The following ALKBH8 variants were observed in gnomAD, a reference collection of about 807,000 sequenced individuals.
ALKBH8 encodes alkB homolog 8, tRNA methyltransferase.
ALKBH8 carries 36 observed loss-of-function variants against 59.8 expected under a neutral mutation model. The observed-to-expected ratio is 0.60, with a 90% CI of 0.46 to 0.79. ALKBH8 has a LOEUF of 0.79. Ranked by LOEUF, ALKBH8 falls within the 30% of genes least tolerant of loss-of-function variation. The pLI is 0.00. For synonymous variants in ALKBH8, 276 were observed against 273.6 expected (o/e 1.01, Z -0.09); for missense variants, 768 against 801.0 (o/e 0.96, Z 0.50).
At chr11:107,553,799 G>C in intron 4 of ALKBH8, 48 bp downstream of exon 4, 1 of 1,571,388 alleles carries the variant, frequency 6.4e-7, no homozygotes, top group Non-Finnish European at 8.7e-7. Context: ...AAAGGAAGAA[G>C]AGTTTTGCAG....
At chr11:107,508,375 G>T (rs1862481910) in intron 11 of ALKBH8, among the ~76,000 whole-genome samples, 1 of 152,070 alleles carries the variant, frequency 6.6e-6, no homozygotes. Flanking sequence ...GTTTTGCTTT[G>T]TTGGCCAGTC....
chr11:107,527,049 T>A (rs1425078458), intron 8 of ALKBH8, among the ~76,000 whole-genome samples: 1 of 152,002 alleles, frequency 6.6e-6, no homozygotes, highest in Non-Finnish European at 1.5e-5. Context: ...CATTTCCTTA[T>A]AAATTTTAGA....
intron 1 of ALKBH8, among the ~76,000 whole-genome samples, chr11:107,562,467 A>G (rs1458969972): frequency 6.6e-6 from 1 of 152,190 alleles, no homozygotes; most frequent in East Asian, 1.9e-4. Context: ...TTTGGCCAAG[A>G]CACCAAGACA....
At chr11:107,509,713 T>C (rs1181657190) in intron 11 of ALKBH8, among the ~76,000 whole-genome samples, 3 of 152,168 alleles carry the variant, frequency 2.0e-5, no homozygotes, top group African/African-American at 7.2e-5. Flanking sequence ...TTCTTTTCCA[T>C]GTGGTCAATG....
In ALKBH8 at chr11:107,504,697, G is replaced by A. The variant is rs1045057865; in HGVS notation, c.1956C>T (p.Tyr652=). The change falls in exon 12 of 12, where the codon TAC becomes TAT. Residue 652 remains tyrosine (Y), a synonymous_variant. Coordinates refer to ENST00000428149, the MANE Select transcript of ALKBH8 (RefSeq NM_138775.3). ...VSDVRILQSY[Y]DQGNWCVILQ... ...GAATCACACACCAGTTTCCTTGATCGTAGTAGCTTTGCAGAATTCTGACAT... is the reference window on the plus strand; with the variant it reads ...GAATCACACACCAGTTTCCTTGATCATAGTAGCTTTGCAGAATTCTGACAT... 9.7e-6 allele frequency: 15 copies of A among 1,550,366 alleles called. No individual in the cohort carries two copies. Among genetic ancestry groups the A allele is most frequent in the African/African-American group, 2.7e-5 (2 of 72,866 alleles).
At chr11:107,546,114 T>C (rs1864242175) in intron 7 of ALKBH8, among the ~76,000 whole-genome samples, 1 of 152,214 alleles carries the variant, frequency 6.6e-6, no homozygotes, top group African/African-American at 2.4e-5. Context: ...TTAAATAAAA[T>C]TTTTCTTTAA....
chr11:107,536,057 A>G (rs750112849), intron 7 of ALKBH8, among the ~76,000 whole-genome samples: 15 of 152,250 alleles, frequency 9.9e-5, no homozygotes, highest in Admixed American at 3.3e-4. Flanking sequence ...CTATTTTACC[A>G]ATCACTGAGT....
At chr11:107,538,012 G>A (rs1033722239) in intron 7 of ALKBH8, among the ~76,000 whole-genome samples, 7 of 151,804 alleles carry the variant, frequency 4.6e-5, no homozygotes, top group South Asian at 2.1e-4. Context: ...TTAGATAGCC[G>A]GCCTTGGAAG....
At chr11:107,561,679 G>A (rs1422312293) in intron 1 of ALKBH8, among the ~76,000 whole-genome samples, 2 of 151,970 alleles carry the variant, frequency 1.3e-5, no homozygotes, top group Admixed American at 6.6e-5. Context: ...CTTTTATTTT[G>A]TTCACAAAAT....
chr11:107,558,451 G>T (rs959854778), intron 2 of ALKBH8, among the ~76,000 whole-genome samples: 1 of 152,114 alleles, frequency 6.6e-6, no homozygotes, highest in African/African-American at 2.4e-5. Context: ...GGTTATATGT[G>T]GCCATAGTTG....
intron 10 of ALKBH8, among the ~76,000 whole-genome samples, chr11:107,513,722 C>T (rs1284765847): frequency 2.6e-5 from 4 of 152,170 alleles, no homozygotes; most frequent in Non-Finnish European, 4.4e-5. Context: ...AGAATGAGAT[C>T]ATGTCACTTG....
chr11:107,557,143 C>T, intron 2 of ALKBH8, 140 bp from the exon 3 acceptor site: 1 of 594,388 alleles, frequency 1.7e-6, no homozygotes, highest in Non-Finnish European at 2.6e-6. Flanking sequence ...GTTTGGTTTG[C>T]TAATTTCATA....
At chr11:107,532,258 G>T in intron 8 of ALKBH8, 42 bp downstream of exon 8, 1 of 1,526,550 alleles carries the variant, frequency 6.6e-7, no homozygotes, top group Non-Finnish European at 9.0e-7. Context: ...AGAATGAGAA[G>T]TCTCATAAAG....
At chr11:107,519,254 C>T (rs894068896) in intron 10 of ALKBH8, among the ~76,000 whole-genome samples, 6 of 151,980 alleles carry the variant, frequency 3.9e-5, no homozygotes, top group African/African-American at 7.3e-5. Flanking sequence ...TACAGGCATG[C>T]GTCACCATGA....
chr11:107,553,815 T>C (rs534279776), intron 4 of ALKBH8, 32 bp downstream of exon 4: 2 of 1,594,176 alleles, frequency 1.3e-6, no homozygotes, highest in Non-Finnish European at 1.7e-6. Flanking sequence ...TGCAGAAACT[T>C]TCAAATATCA....
At position 107,504,693 on chromosome 11, in the gene ALKBH8, G is replaced by A. The variant is rs1862301632; in HGVS notation, c.1960C>T (p.Gln654Ter). The change falls in exon 12 of 12, where the codon CAA becomes TAA. Residue 654 changes from glutamine to a stop codon, truncating the protein, a stop_gained. Transcript: ENST00000428149. LOFTEE classifies it high-confidence loss of function. ...TGAAGAATCACACACCAGTTTCCTT[G>A]ATCGTAGTAGCTTTGCAGAATTCTG... is the stretch of plus-strand genomic sequence containing the variant. ...DVRILQSYYDQGNWCVILQKA is the reference protein window; with the variant it reads ...DVRILQSYYD The A allele has an allele frequency of 5.2e-6, 8 of 1,549,550 alleles. No homozygotes were observed. The highest frequency in any genetic ancestry group is 3.5e-6 in the Non-Finnish European group (4 of 1,146,036).
chr11:107,550,887 A>G (rs1437321686), intron 6 of ALKBH8, among the ~76,000 whole-genome samples: 1 of 152,156 alleles, frequency 6.6e-6, no homozygotes, highest in African/African-American at 2.4e-5. Context: ...CCTCACCAGG[A>G]ACCCAATCAA....
chr11:107,517,360 T>G (rs1862907470), intron 10 of ALKBH8, among the ~76,000 whole-genome samples: 1 of 152,148 alleles, frequency 6.6e-6, no homozygotes, highest in Non-Finnish European at 1.5e-5. Flanking sequence ...GTATGGAAGC[T>G]TCACAGACAT....
chr11:107,508,040 C>A (rs1862463597), intron 11 of ALKBH8, among the ~76,000 whole-genome samples: 1 of 152,066 alleles, frequency 6.6e-6, no homozygotes, highest in Admixed American at 6.6e-5. Flanking sequence ...CACATAAATC[C>A]AACAAATTAT....
Sources: gnomAD v4.1 joint callset for allele counts (sites outside exome capture counted in the v4.1 genomes callset) on GRCh38, gnomAD v4.1.1 for gene constraint, MANE v1.5 for transcripts, NCBI Gene and HGNC (gene_info 2026-07-23, HGNC 2026-07-21) for gene names.